MAP3K6: variants seen among roughly 807,000 people sequenced by gnomAD.
MAP3K6 encodes apoptosis signal-regulating kinase 2.
Under a neutral mutation model 147.1 loss-of-function variants are expected in MAP3K6, and 105 were observed. The observed-to-expected ratio is 0.71, with a 90% confidence interval of 0.61 to 0.84. MAP3K6 has a LOEUF of 0.84. Ranked by LOEUF, MAP3K6 falls within the 40% of genes least tolerant of loss-of-function variation. MAP3K6 has a pLI of 0.00. For missense variants in MAP3K6, 1,569 were observed against 1,715.0 expected (o/e 0.91, Z 1.50); for synonymous variants, 695 against 732.4 (o/e 0.95, Z 0.82).
chr1:27,357,620 A>G, intron 22 of MAP3K6, 44 bp from the exon 23 acceptor site: 1 of 1,591,802 alleles, frequency 6.3e-7, no homozygotes. Context: ...TCCAGCCAAA[A>G]GAGACGCTGC....
chr1:27,363,487 G>A lies in MAP3K6; in HGVS notation c.926C>T (p.Ala309Val), dbSNP rs1290359669. The A allele has an allele frequency of 6.2e-7, 1 of 1,613,790 alleles. No individual in the cohort carries two copies. The highest frequency in any genetic ancestry group is 8.5e-7 in the Non-Finnish European group (1 of 1,179,860). ...GTGGAAGCAGACATTATGCTGCTCG[G>A]CCACATCACAGGTGGGCAAGGCCTG... ...TLQALPTCDV[A>V]EQHNVCFHYT... Residue 309 changes from alanine to valine, a missense_variant, in exon 6 of 29, where the codon GCC (alanine) becomes GTC (valine). Physicochemically the swap from Ala to Val is moderately conservative, Grantham distance 64 (BLOSUM62 0). Coordinates refer to ENST00000357582, the MANE Select transcript of MAP3K6 (RefSeq NM_004672.5).
In MAP3K6 at chr1:27,359,387, T is replaced by A; in HGVS notation, c.2425+30A>T. ...AGAGATCTTCTGCCCCAGGTCAGCA[T>A]CCCCACTCACCACCCCCACACCTTG... On this transcript the variant is annotated intron_variant, in intron 18 of 28. Transcript: ENST00000357582. This position sits in a 1 kb window ranked among gnomAD's most constrained non-coding sequence, Gnocchi z 4.4. 1 of 1,613,870 alleles carries A rather than the reference T, an allele frequency of 6.2e-7. No individual in the cohort carries two copies. The highest frequency in any genetic ancestry group is 8.5e-7 in the Non-Finnish European group (1 of 1,179,880).
chr1:27,366,190 G>A lies in MAP3K6; in HGVS notation c.340+68C>T. On this transcript the variant is annotated intron_variant, in intron 1 of 28. Coordinates refer to ENST00000357582, the MANE Select transcript of MAP3K6 (RefSeq NM_004672.5). The surrounding 1 kb of genome is among the most constrained non-coding windows in gnomAD (Gnocchi z 5.5). ...CTCGGCCCCTCCCTTGAGCCTTCGA[G>A]CCCGGCTTGGTCCCCTCCCAGGACC... 1 of 1,255,746 alleles carries A rather than the reference G, an allele frequency of 8.0e-7. No individual in the cohort carries two copies. The highest frequency in any genetic ancestry group is 1.0e-6 in the Non-Finnish European group (1 of 998,280). 77.8% of individuals were successfully genotyped at this position (1,255,746 alleles called of 1,614,324 possible). A position where few individuals can be genotyped will look rare whatever the true frequency, so the allele number is the denominator to read the frequency against.
Position 27,362,631 on chromosome 1 carries a change from C to T in MAP3K6, c.1255+10G>A, listed in dbSNP as rs151151020. The T allele has an allele frequency of 2.6e-4, 402 of 1,559,456 alleles. 3 individuals are homozygous for T. The African/African-American group carries it at 4.8e-3, about 18-fold the overall frequency. Reference sequence around the variant, plus strand: ...TGGGTGACGAGACAAGAGCCAGGATCTGTGCTCACCTATTAGCCGGAGCTC... The same window carrying T: ...TGGGTGACGAGACAAGAGCCAGGATTTGTGCTCACCTATTAGCCGGAGCTC... On this transcript the variant is annotated intron_variant, in intron 8 of 28. Transcript: ENST00000357582.
At chr1:27,365,023 G>A (rs2015927617) in intron 1 of MAP3K6, 111 bp from the exon 2 acceptor site, 1 of 1,211,068 alleles carries the variant, frequency 8.3e-7, no homozygotes, top group Non-Finnish European at 1.1e-6. Context: ...GTAGGGTCTG[G>A]TTCTGCTTTG....
chr1:27,366,212 G>A lies in MAP3K6; in HGVS notation c.340+46C>T. On this transcript the variant is annotated intron_variant, in intron 1 of 28. Transcript: ENST00000357582. This position sits in a 1 kb window ranked among gnomAD's most constrained non-coding sequence, Gnocchi z 5.5. Reference sequence around the variant, plus strand: ...CGAGCCCGGCTTGGTCCCCTCCCAGGACCCTGAGTCCCGCCCGGATCCGGC... The same window carrying A: ...CGAGCCCGGCTTGGTCCCCTCCCAGAACCCTGAGTCCCGCCCGGATCCGGC... 1.6e-6 allele frequency: 2 copies of A among 1,273,082 alleles called. No individual in the cohort carries two copies. The highest frequency in any genetic ancestry group is 3.2e-5 in the East Asian group (1 of 31,710). The allele number at this position is 1,273,082 out of a possible 1,614,324, so 78.9% of individuals were successfully genotyped here. A position where few individuals can be genotyped will look rare whatever the true frequency, so the allele number is the denominator to read the frequency against.
At position 27,358,592 on chromosome 1, in the gene MAP3K6, T is replaced by C; in HGVS notation, c.2603A>G (p.His868Arg). 6.2e-7 allele frequency: 1 copy of C among 1,613,462 alleles called. No individual in the cohort carries two copies. The highest frequency in any genetic ancestry group is 8.5e-7 in the Non-Finnish European group (1 of 1,179,800). The change falls in exon 20 of 29, where the codon CAT (histidine) becomes CGT (arginine). Residue 868 changes from histidine to arginine, a missense_variant. His to Arg is a conservative substitution (Grantham distance 29). Transcript: ENST00000357582. This position sits in a 1 kb window ranked among gnomAD's most constrained non-coding sequence, Gnocchi z 6.2. ...AMFQVGMYKVHPPMPSSLSAE... is the reference protein window; with the variant it reads ...AMFQVGMYKVRPPMPSSLSAE... ...CGACAGAGAGCTGGGCATTGGCGGA[T>C]GGACCTTGTACATACCCACCTGTGG...
Position 27,358,982 on chromosome 1 carries a change from AAT to A in MAP3K6, c.2426-118_2426-117del. On this transcript the variant is annotated intron_variant, in intron 18 of 28. Coordinates refer to ENST00000357582, the MANE Select transcript of MAP3K6 (RefSeq NM_004672.5). The surrounding 1 kb of genome is among the most constrained non-coding windows in gnomAD (Gnocchi z 6.2). ...CACCCATACTGAACCTATCATCCAAAATATACCTCAACACCTATCCTGGTCAT... is the reference window on the plus strand; with the variant it reads ...CACCCATACTGAACCTATCATCCAAAATACCTCAACACCTATCCTGGTCAT... 9.8e-7 allele frequency: 1 copy of A among 1,020,166 alleles called. No individual in the cohort carries two copies. The allele number at this position is 1,020,166 out of a possible 1,614,324, so 63.2% of individuals were successfully genotyped here. A position where few individuals can be genotyped will look rare whatever the true frequency, so the allele number is the denominator to read the frequency against.
chr1:27,360,150 G>T lies in MAP3K6; in HGVS notation c.2182+91C>A. 4 of 1,585,112 alleles carry T rather than the reference G, an allele frequency of 2.5e-6. No homozygotes were observed. Among genetic ancestry groups the T allele is most frequent in the Non-Finnish European group, 3.4e-6 (4 of 1,162,702 alleles). ...GGCTACACCACCCACACGCACTAGGGTGCATTTCCCCCTAGGGCTCTCTAC... is the reference window on the plus strand; with the variant it reads ...GGCTACACCACCCACACGCACTAGGTTGCATTTCCCCCTAGGGCTCTCTAC... On this transcript the variant is annotated intron_variant, in intron 16 of 28. Transcript: ENST00000357582. The surrounding 1 kb of genome is among the most constrained non-coding windows in gnomAD (Gnocchi z 4.5).
intron 8 of MAP3K6, 33 bp from the exon 9 acceptor site, chr1:27,362,283 T>C: frequency 6.3e-7 from 1 of 1,593,814 alleles, no homozygotes. Context: ...CCAGTGAGTG[T>C]GGGTGCAGGG....
rs2015708276 is a variant in MAP3K6, at chr1:27,360,504, C to T, written c.2055-136G>A. ...TCCGACCTTCCCCACCCTTACTACC[C>T]TGCCCACAGGACCCTCCAGACCTCA... On this transcript the variant is annotated intron_variant, in intron 15 of 28. Transcript: ENST00000357582. This position sits in a 1 kb window ranked among gnomAD's most constrained non-coding sequence, Gnocchi z 4.5. The T allele has an allele frequency of 2.2e-6, 3 of 1,347,506 alleles. No individual in the cohort carries two copies. The allele number at this position is 1,347,506 out of a possible 1,614,324, so 83.5% of individuals were successfully genotyped here. A position where few individuals can be genotyped will look rare whatever the true frequency, so the allele number is the denominator to read the frequency against.
At chr1:27,362,021 C>T (rs1179461899) in intron 9 of MAP3K6, 70 bp downstream of exon 9, 3 of 1,549,390 alleles carry the variant, frequency 1.9e-6, no homozygotes, top group Non-Finnish European at 2.6e-6. Context: ...TTCAGTCTAG[C>T]ATGCCAATGG....
At position 27,364,044 on chromosome 1, in the gene MAP3K6, G is replaced by GCCTGCCGGATGT; in HGVS notation, c.725_736dup (p.Asp242_Gln245dup). ...CTGTGGCCCACTGAACCGCTCCCGC[G>GCCTGCCGGATGT]CCTGCCGGATGTCCCGCCGAATGGT... On this transcript the variant is annotated inframe_insertion, in exon 5 of 29. Transcript: ENST00000357582. The surrounding 1 kb of genome is among the most constrained non-coding windows in gnomAD (Gnocchi z 4.4). The GCCTGCCGGATGT allele has an allele frequency of 6.2e-7, 1 of 1,612,762 alleles. No homozygotes were observed. Among genetic ancestry groups the GCCTGCCGGATGT allele is most frequent in the Non-Finnish European group, 8.5e-7 (1 of 1,179,936 alleles).
intron 5 of MAP3K6, 113 bp downstream of exon 5, chr1:27,363,804 T>C: frequency 2.9e-6 from 3 of 1,051,434 alleles, no homozygotes; most frequent in Non-Finnish European, 4.0e-6. Context: ...CTCAGAGACA[T>C]TGGATAATTT....
Position 27,358,525 on chromosome 1 carries a change from G to T in MAP3K6, c.2670C>A (p.Asp890Glu). 1 of 1,608,716 alleles carries T rather than the reference G, an allele frequency of 6.2e-7. No individual in the cohort carries two copies. Among genetic ancestry groups the T allele is most frequent in the Non-Finnish European group, 8.5e-7 (1 of 1,178,390 alleles). ...TCTGGGCGCTGGCTCGGAGGCGGGG[G>T]TCTGGCTCAAAAGTTCGGAGGAGAA... is the stretch of plus-strand genomic sequence containing the variant. ...QAFLLRTFEPDPRLRASAQTL... is the reference protein window; with the variant it reads ...QAFLLRTFEPEPRLRASAQTL... The change falls in exon 20 of 29, where the codon GAC becomes GAA. Residue 890 changes from aspartate (D) to glutamate (E), a missense_variant. Transcript: ENST00000357582. This position sits in a 1 kb window ranked among gnomAD's most constrained non-coding sequence, Gnocchi z 6.2.
Position 27,366,221 on chromosome 1 carries a change from T to C in MAP3K6, c.340+37A>G. On this transcript the variant is annotated intron_variant, in intron 1 of 28. Coordinates refer to ENST00000357582, the MANE Select transcript of MAP3K6 (RefSeq NM_004672.5). This position sits in a 1 kb window ranked among gnomAD's most constrained non-coding sequence, Gnocchi z 5.5. ...CTTGGTCCCCTCCCAGGACCCTGAG[T>C]CCCGCCCGGATCCGGCCCCGCCCCC... The C allele has an allele frequency of 7.8e-7, 1 of 1,280,682 alleles. No individual in the cohort carries two copies. Among genetic ancestry groups the C allele is most frequent in the Non-Finnish European group, 9.9e-7 (1 of 1,015,132 alleles). 79.3% of individuals were successfully genotyped at this position (1,280,682 alleles called of 1,614,324 possible).
Position 27,362,076 on chromosome 1 carries a change from GA to G in MAP3K6, c.1415+14del, listed in dbSNP as rs1557563885. 6.2e-7 allele frequency: 1 copy of G among 1,602,404 alleles called. No individual in the cohort carries two copies. Among genetic ancestry groups the G allele is most frequent in the Admixed American group, 1.7e-5 (1 of 58,936 alleles). On this transcript the variant is annotated intron_variant, in intron 9 of 28. Coordinates refer to ENST00000357582, the MANE Select transcript of MAP3K6 (RefSeq NM_004672.5). ...CAGCCCAGGTCAGGCCAAGAATGCA[GA>G]GGGGGCCACCTACCATATGGGGGCA... is the stretch of plus-strand genomic sequence containing the variant.
chr1:27,357,684 C>T, intron 22 of MAP3K6, 27 bp downstream of exon 22: 1 of 1,605,692 alleles, frequency 6.2e-7, no homozygotes, highest in Non-Finnish European at 8.5e-7. Context: ...TTGCGACCAC[C>T]AGGGGGCGCT....
At position 27,364,854 on chromosome 1, in the gene MAP3K6, A is replaced by C; in HGVS notation, c.399T>G (p.Leu133=). 1 of 1,612,340 alleles carries C rather than the reference A, an allele frequency of 6.2e-7. No individual in the cohort carries two copies. The highest frequency in any genetic ancestry group is 8.5e-7 in the Non-Finnish European group (1 of 1,178,664). The change falls in exon 2 of 29, where the codon CTT becomes CTG. Residue 133 remains leucine (L), a synonymous_variant. Transcript: ENST00000357582. This position sits in a 1 kb window ranked among gnomAD's most constrained non-coding sequence, Gnocchi z 4.4. The part of the protein sequence containing the change: ...SLVQPSLFYH[L]GVRESFSMTN... ...TCATGCTGAAGCTCTCACGCACACC[A>C]AGGTGGTAGAACAGGGAGGGCTGTA...
Sources: gnomAD v4.1 joint callset for allele counts on GRCh38, gnomAD v4.1.1 for gene constraint, Gnocchi (gnomAD v3.1) non-coding constraint, MANE v1.5 for transcripts, NCBI Gene and HGNC (gene_info 2026-07-23, HGNC 2026-07-21) for gene names.